The following ADAMTS2 variants were observed in gnomAD, a reference collection of about 807,000 sequenced individuals.
ADAMTS2 encodes A disintegrin and metalloproteinase with thrombospondin motifs 2.
ADAMTS2 carries 50 observed loss-of-function variants against 123.0 expected under a neutral mutation model. That is an observed-to-expected ratio of 0.41 (90% confidence interval 0.32 to 0.51). The LOEUF (loss-of-function observed/expected upper bound fraction) is 0.51, where lower values mean the gene tolerates loss of function less well. ADAMTS2 is among the 20% of genes least tolerant of loss of function. ADAMTS2 has a pLI of 0.35. For synonymous variants in ADAMTS2, 678 were observed against 695.4 expected, an observed-to-expected ratio of 0.98 and a Z score of 0.39; for missense variants, 1,494 against 1,705.2, an observed-to-expected ratio of 0.88 and a Z score of 2.18.
rs755529191 is a variant in ADAMTS2, at chr5:179,201,509, G to A, written c.891+6004C>T. ...TTTTACATAGCAAAAAAAATGTCCCGGCACGGTGGCTCACGCCTGTAATCC... is the reference window on the plus strand; with the variant it reads ...TTTTACATAGCAAAAAAAATGTCCCAGCACGGTGGCTCACGCCTGTAATCC... On this transcript the variant is annotated intron_variant, in intron 4 of 21. Coordinates refer to ENST00000251582, the MANE Select transcript of ADAMTS2 (RefSeq NM_014244.5). 6.6e-5 allele frequency among the ~76,000 whole-genome samples: 10 copies of A among 151,988 alleles called. No individual in the cohort carries two copies. In the East Asian group the frequency reaches 7.7e-4, roughly 12 times the overall value.
At chr5:179,200,799 CA>C (rs1039011486) in intron 4 of ADAMTS2, among the ~76,000 whole-genome samples, 3 of 152,130 alleles carry the variant, frequency 2.0e-5, no homozygotes, top group Non-Finnish European at 4.4e-5. Flanking sequence ...TGTAGGACAT[CA>C]AAAACTATCC....
At position 179,219,240 on chromosome 5, in the gene ADAMTS2, G is replaced by A. The variant is rs1765070916; in HGVS notation, c.689-11525C>T. On this transcript the variant is annotated intron_variant, in intron 3 of 21. Coordinates refer to ENST00000251582, the MANE Select transcript of ADAMTS2 (RefSeq NM_014244.5). The stretch of plus-strand genomic sequence containing the variant: ...AGGAGCAGCAGAGGCGAGAGATGAG[G>A]GCAGCCCCGTGTGCTGCTGACACTG... Among the ~76,000 whole-genome samples the A allele has an allele frequency of 2.0e-5, 3 of 152,270 alleles. No individual in the cohort carries two copies. In the South Asian group the frequency reaches 6.2e-4, roughly 32 times the overall value.
At chr5:179,266,615 G>A (rs762046770) in intron 3 of ADAMTS2, among the ~76,000 whole-genome samples, 4 of 152,242 alleles carry the variant, frequency 2.6e-5, no homozygotes, top group Non-Finnish European at 5.9e-5. Context: ...CAGGTGTGCT[G>A]TTTTAAGCCA....
intron 10 of ADAMTS2, among the ~76,000 whole-genome samples, chr5:179,143,202 G>A (rs933019736): frequency 3.3e-5 from 5 of 152,192 alleles, no homozygotes; most frequent in African/African-American, 1.2e-4. Context: ...GGGAGGCCGA[G>A]GGGGGCAGAT....
rs1301874122 is a variant in ADAMTS2, at chr5:179,345,255, G to GGCGGCAGCAGCAGCA, written c.59_73dup (p.Leu20_Pro24dup). Reference sequence around the variant, plus strand: ...CGGCGGCGGCGGCGGCAGGAGCGGCGGCGGCAGCAGCAGCAGCAGCAGCAG... The same window carrying GGCGGCAGCAGCAGCA: ...CGGCGGCGGCGGCGGCAGGAGCGGCGGCGGCAGCAGCAGCAGCGGCAGCAGCAGCAGCAGCAGCAG... On this transcript the variant is annotated inframe_insertion, in exon 1 of 22. Transcript: ENST00000251582. This position sits in a 1 kb window ranked among gnomAD's most constrained non-coding sequence, Gnocchi z 7.5. 8.7e-7 allele frequency: 1 copy of GGCGGCAGCAGCAGCA among 1,148,554 alleles called. No homozygotes were observed. 71.1% of individuals were successfully genotyped at this position (1,148,554 alleles called of 1,614,324 possible).
chr5:179,254,766 AAC>A (rs1277833643), intron 3 of ADAMTS2, among the ~76,000 whole-genome samples: 1 of 152,248 alleles, frequency 6.6e-6, no homozygotes, highest in African/African-American at 2.4e-5. Flanking sequence ...GGCTGAAAGA[AAC>A]ACAACAGGGC....
chr5:179,328,969 C>G (rs566315434), intron 2 of ADAMTS2, among the ~76,000 whole-genome samples: 76 of 152,156 alleles, frequency 5.0e-4, no homozygotes, highest in South Asian at 3.5e-3. Context: ...TGATACTTGC[C>G]CTATCAGATG....
intron 10 of ADAMTS2, among the ~76,000 whole-genome samples, chr5:179,144,041 A>C (rs1359243472): frequency 6.6e-6 from 1 of 152,206 alleles, no homozygotes; most frequent in African/African-American, 2.4e-5. Flanking sequence ...ATCCCAAAGA[A>C]TCCCCTACAA....
In ADAMTS2 at chr5:179,332,631, C is replaced by T. The variant is rs1199438331; in HGVS notation, c.534+11136G>A. Among the ~76,000 whole-genome samples the T allele has an allele frequency of 6.6e-6, 1 of 152,024 alleles. No homozygotes were observed. The highest frequency in any genetic ancestry group is 1.5e-5 in the Non-Finnish European group (1 of 68,008). On this transcript the variant is annotated intron_variant, in intron 2 of 21. Coordinates refer to ENST00000251582, the MANE Select transcript of ADAMTS2 (RefSeq NM_014244.5). This position sits in a 1 kb window ranked among gnomAD's most constrained non-coding sequence, Gnocchi z 4.2. ...ACCTGCATTGCCCCAGAAGCCCAGA[C>T]CTCAGCTCAGGGCCAGTGTGCTGGG...
At chr5:179,116,240 A>C (rs1762654914) in intron 21 of ADAMTS2, among the ~76,000 whole-genome samples, 1 of 149,612 alleles carries the variant, frequency 6.7e-6, no homozygotes, top group African/African-American at 2.5e-5. Context: ...CTGTTTTCTC[A>C]CTGAAGATGT....
chr5:179,261,003 G>A (rs1939797692), intron 3 of ADAMTS2, among the ~76,000 whole-genome samples: 1 of 152,130 alleles, frequency 6.6e-6, no homozygotes, highest in African/African-American at 2.4e-5. Flanking sequence ...GCTCCAACGG[G>A]GCAGGAGAAG....
At chr5:179,294,748 G>A (rs969064410) in intron 2 of ADAMTS2, among the ~76,000 whole-genome samples, 5 of 152,244 alleles carry the variant, frequency 3.3e-5, no homozygotes, top group African/African-American at 1.2e-4. Flanking sequence ...TGCTGGCCAA[G>A]CGGAGGGGCT....
At chr5:179,157,518 C>CTTTT (rs112529401) in intron 6 of ADAMTS2, among the ~76,000 whole-genome samples, 1 of 144,672 alleles carries the variant, frequency 6.9e-6, no homozygotes, top group African/African-American at 2.6e-5. Context: ...TTAAATTTTC[C>CTTTT]TTTTTTTTTT....
At chr5:179,330,120 G>A (rs1332085482) in intron 2 of ADAMTS2, among the ~76,000 whole-genome samples, 1 of 133,818 alleles carries the variant, frequency 7.5e-6, no homozygotes, top group Non-Finnish European at 1.6e-5. Context: ...GCGACAGAGC[G>A]AGACTCCGTC....
chr5:179,116,260 A>ACCCCCCCCCCC (rs146306326), intron 21 of ADAMTS2, among the ~76,000 whole-genome samples: 186 of 93,852 alleles, frequency 2.0e-3, no homozygotes, highest in Middle Eastern at 6.2e-3. Flanking sequence ...TGACCACGGC[A>ACCCCCCCCCCC]CCCCCCCCCC....
intron 20 of ADAMTS2, 139 bp downstream of exon 20, chr5:179,122,505 G>T: frequency 7.8e-7 from 1 of 1,289,506 alleles, no homozygotes; most frequent in Non-Finnish European, 1.1e-6. Flanking sequence ...GGCCTGCAGT[G>T]CCCCGCTTCT....
At position 179,202,741 on chromosome 5, in the gene ADAMTS2, C is replaced by T. The variant is rs981048474; in HGVS notation, c.891+4772G>A. 2.1e-5 allele frequency among the ~76,000 whole-genome samples: 3 copies of T among 144,190 alleles called. No individual in the cohort carries two copies. The highest frequency in any genetic ancestry group is 3.1e-5 in the Non-Finnish European group (2 of 65,512). 94.6% of individuals were successfully genotyped at this position (144,190 alleles called of 152,430 possible). A position where few individuals can be genotyped will look rare whatever the true frequency, so the allele number is the denominator to read the frequency against. On this transcript the variant is annotated intron_variant, in intron 4 of 21. Coordinates refer to ENST00000251582, the MANE Select transcript of ADAMTS2 (RefSeq NM_014244.5). This position sits in a 1 kb window ranked among gnomAD's most constrained non-coding sequence, Gnocchi z 4.0. ...CCGTGTTTCCTTACTCACACCATGG[C>T]GCGGGGTGGGTCGGGAGGGCCCGAG...
chr5:179,263,718 G>T (rs746755126), intron 3 of ADAMTS2, among the ~76,000 whole-genome samples: 2 of 152,248 alleles, frequency 1.3e-5, no homozygotes, highest in African/African-American at 2.4e-5. Context: ...TGTCCCAAAC[G>T]TGTGTGTGCA....
chr5:179,264,614 T>C (rs1314314894), intron 3 of ADAMTS2, among the ~76,000 whole-genome samples: 2 of 152,184 alleles, frequency 1.3e-5, no homozygotes, highest in Non-Finnish European at 2.9e-5. Context: ...TTGGAGGACA[T>C]TCCCAACACA....
Sources: gnomAD v4.1 joint callset for allele counts (sites outside exome capture counted in the v4.1 genomes callset) on GRCh38, gnomAD v4.1.1 for gene constraint, Gnocchi (gnomAD v3.1) non-coding constraint, MANE v1.5 for transcripts, NCBI Gene and HGNC (gene_info 2026-07-23, HGNC 2026-07-21) for gene names.